Variants in RBFOX1 observed in about 807,000 individuals in gnomAD.
The protein encoded by RBFOX1 is RNA binding fox-1 homolog 1.
A neutral mutation model predicts 57.7 loss-of-function variants in RBFOX1; 8 were observed. The ratio of observed to expected loss-of-function variants is 0.14; its 90% confidence interval spans 0.08 to 0.25. The LOEUF (loss-of-function observed/expected upper bound fraction) is 0.25. Ranked by LOEUF, RBFOX1 falls within the 10% of genes least tolerant of loss-of-function variation. The pLI is 1.00. For missense variants in RBFOX1, 611 were observed against 548.5 expected, an observed-to-expected ratio of 1.11 and a Z score of -1.14; for synonymous variants, 326 against 222.4, an observed-to-expected ratio of 1.47 and a Z score of -4.15.
intron 2 of RBFOX1, chr16:6,483,646 T>C (rs1444248375): frequency 5.9e-6 from 7 of 1,195,920 alleles, no homozygotes; most frequent in African/African-American, 1.7e-5. Flanking sequence ...CTGCAGAGGC[T>C]TCCTGAAGCC....
intron 2 of RBFOX1, among the ~76,000 whole-genome samples, chr16:6,585,951 C>G (rs1349974568): frequency 1.3e-5 from 2 of 152,112 alleles, no homozygotes; most frequent in African/African-American, 4.8e-5. Context: ...TGTCCAGATA[C>G]CTTTAAACAA....
chr16:7,151,477 C>G (rs2076096200), intron 4 of RBFOX1, among the ~76,000 whole-genome samples: 1 of 152,140 alleles, frequency 6.6e-6, no homozygotes, highest in Non-Finnish European at 1.5e-5. Flanking sequence ...TGAGTGCTGA[C>G]TTCATTCTGG....
At chr16:7,130,344 G>C (rs774387229) in intron 4 of RBFOX1, among the ~76,000 whole-genome samples, 57 of 152,154 alleles carry the variant, frequency 3.7e-4, no homozygotes, top group Non-Finnish European at 2.8e-4. Context: ...CCTGAAGACT[G>C]ATTATTTTTA....
chr16:6,917,938 C>A lies in RBFOX1; in HGVS notation c.-15-134119C>A, dbSNP rs563872476. Among the ~76,000 whole-genome samples, 8 of 152,260 alleles carry A rather than the reference C, an allele frequency of 5.3e-5. No individual in the cohort carries two copies. In the South Asian group the frequency reaches 1.7e-3, roughly 32 times the overall value. On this transcript the variant is annotated intron_variant, in intron 3 of 15. Coordinates refer to ENST00000550418, the MANE Select transcript of RBFOX1 (RefSeq NM_018723.4). ...GTATTATCCCTTTAGGGTGTTCTTA[C>A]TCAACCTAAGTCTCAGGGTAGCCTA...
intron 2 of RBFOX1, among the ~76,000 whole-genome samples, chr16:6,373,592 G>A (rs1346545069): frequency 6.6e-6 from 1 of 151,910 alleles, no homozygotes; most frequent in East Asian, 1.9e-4. Context: ...TGGAAGTATA[G>A]TCGGATGAGA....
rs1210731407 is a variant in RBFOX1 at position 5,814,941 on chromosome 16, GA to G, written c.319-52354del. On this transcript the variant is annotated intron_variant, in intron 3 of 19. Coordinates refer to the RBFOX1 transcript ENST00000641259. ...ACAGAGCGAGACTCCGTCTCAAAAA[GA>G]AAAAAAAGAAAAAAAAAAAATTTTA... Among the ~76,000 whole-genome samples the G allele has an allele frequency of 3.4e-5, 5 of 146,654 alleles. No homozygotes were observed. The East Asian group carries it at 5.9e-4, about 17-fold the overall frequency.
chr16:5,322,340 G>C (rs914265357), intron 1 of RBFOX1, among the ~76,000 whole-genome samples: 7 of 152,154 alleles, frequency 4.6e-5, no homozygotes, highest in African/African-American at 7.2e-5. Context: ...CTGGGGCTGG[G>C]GGACAGCAGA....
chr16:5,366,108 T>C (rs1225952560), intron 1 of RBFOX1: 4 of 463,506 alleles, frequency 8.6e-6, no homozygotes, highest in Non-Finnish European at 1.7e-5. Context: ...GAAGTGTGGT[T>C]CAGGGCGAGT....
chr16:7,602,970 G>A (rs1568042036), intron 9 of RBFOX1, among the ~76,000 whole-genome samples: 1 of 152,184 alleles, frequency 6.6e-6, no homozygotes, highest in Non-Finnish European at 1.5e-5. Context: ...AAATTCAACA[G>A]TGTGCTCCTG....
intron 3 of RBFOX1, among the ~76,000 whole-genome samples, chr16:6,980,958 C>T (rs140232977): frequency 2.8e-5 from 4 of 142,440 alleles, no homozygotes; most frequent in Non-Finnish European, 4.5e-5. Flanking sequence ...CATGAGAATC[C>T]CTTGAACCTG....
At chr16:6,981,613 C>G (rs1328896349) in intron 3 of RBFOX1, among the ~76,000 whole-genome samples, 1 of 152,084 alleles carries the variant, frequency 6.6e-6, no homozygotes, top group Non-Finnish European at 1.5e-5. Flanking sequence ...TGATGGGAGG[C>G]AAAGGAGGAG....
intron 4 of RBFOX1, among the ~76,000 whole-genome samples, chr16:5,929,054 A>G (rs1402458428): frequency 1.3e-5 from 2 of 149,756 alleles, no homozygotes; most frequent in Non-Finnish European, 3.0e-5. Flanking sequence ...AAAAAAAAGG[A>G]AAGAAAATCC....
Position 6,187,226 on chromosome 16 carries a change from T to G in RBFOX1, c.-126-129769T>G, listed in dbSNP as rs370598322. Among the ~76,000 whole-genome samples the G allele has an allele frequency of 3.9e-5, 6 of 152,110 alleles. No homozygotes were observed. In the East Asian group the frequency reaches 1.2e-3, roughly 29 times the overall value. Reference sequence around the variant, plus strand: ...CCTTTGGATGACCTGTATCAGGTCATAGAAAGCATTCTGCCTTCTAGGGAA... The same window carrying G: ...CCTTTGGATGACCTGTATCAGGTCAGAGAAAGCATTCTGCCTTCTAGGGAA... On this transcript the variant is annotated intron_variant, in intron 1 of 15. Coordinates refer to ENST00000550418, the MANE Select transcript of RBFOX1 (RefSeq NM_018723.4).
rs1402758033 is a variant in RBFOX1 at position 6,034,555 on chromosome 16, C to T, written c.-127+14563C>T. ...GAAGAGTCTGACTAGTTCTCTCCAA[C>T]CTTTGGGTAAGGTTCCCATCTAAGC... On this transcript the variant is annotated intron_variant, in intron 1 of 15. Coordinates refer to ENST00000550418, the MANE Select transcript of RBFOX1 (RefSeq NM_018723.4). Among the ~76,000 whole-genome samples, 4 of 151,906 alleles carry T rather than the reference C, an allele frequency of 2.6e-5. 1 individual carries two copies. Among genetic ancestry groups the T allele is most frequent in the Non-Finnish European group, 5.9e-5 (4 of 67,998 alleles).
chr16:5,339,634 A>G (rs1234308750), intron 1 of RBFOX1, among the ~76,000 whole-genome samples: 1 of 151,704 alleles, frequency 6.6e-6, no homozygotes, highest in Admixed American at 6.6e-5. Context: ...ATGTGCTACC[A>G]CATCTGGCTG....
intron 4 of RBFOX1, among the ~76,000 whole-genome samples, chr16:5,977,675 C>A (rs887066518): frequency 6.6e-6 from 1 of 152,050 alleles, no homozygotes; most frequent in Non-Finnish European, 1.5e-5. Context: ...GATTGGAAAA[C>A]AGGCTCAGTT....
At chr16:5,726,161 C>G (rs964606479) in intron 3 of RBFOX1, among the ~76,000 whole-genome samples, 4 of 151,682 alleles carry the variant, frequency 2.6e-5, no homozygotes, top group African/African-American at 9.7e-5. Context: ...TTTAATTTCC[C>G]TTCCCTAAAG....
At chr16:6,351,933 G>C (rs1246550157) in intron 2 of RBFOX1, among the ~76,000 whole-genome samples, 2 of 152,164 alleles carry the variant, frequency 1.3e-5, no homozygotes, top group Non-Finnish European at 2.9e-5. Flanking sequence ...TACGGGAGAT[G>C]CTGTAACTGG....
In RBFOX1 at chr16:5,815,559, T is replaced by C. The variant is rs536947820; in HGVS notation, c.319-51744T>C. On this transcript the variant is annotated intron_variant, in intron 3 of 19. Coordinates refer to the RBFOX1 transcript ENST00000641259. ...ACCCCACTCAGAAAGTCCATCTCCT[T>C]CTCTCCAGAGGAGCTGAAGAGAACA... Among the ~76,000 whole-genome samples, 5 of 152,172 alleles carry C rather than the reference T, an allele frequency of 3.3e-5. No individual in the cohort carries two copies. The South Asian group carries it at 1.0e-3, about 32-fold the overall frequency.
Sources: gnomAD v4.1 joint callset for allele counts (sites outside exome capture counted in the v4.1 genomes callset) on GRCh38, gnomAD v4.1.1 for gene constraint, MANE v1.5 for transcripts, NCBI Gene and HGNC (gene_info 2026-07-23, HGNC 2026-07-21) for gene names.